PHF12: variants seen among roughly 807,000 people sequenced by gnomAD.
PHF12 encodes PHD factor 1.
Under a neutral mutation model 99.8 loss-of-function variants are expected in PHF12, and 6 were observed. The observed-to-expected ratio is 0.06, with a 90% CI of 0.03 to 0.12. The LOEUF is 0.12. Ranked by LOEUF, PHF12 falls within the 10% of genes least tolerant of loss-of-function variation. The pLI, the probability that PHF12 is intolerant of heterozygous loss-of-function variation, is 1.00. For missense variants in PHF12, 954 were observed against 1,300.1 expected, an observed-to-expected ratio of 0.73 and a Z score of 4.09; for synonymous variants, 480 against 514.9, an observed-to-expected ratio of 0.93 and a Z score of 0.92.
chr17:28,949,816 A>G lies in PHF12; in HGVS notation c.248+249T>C, dbSNP rs2040778011. 2.5e-6 allele frequency: 1 copy of G among 394,288 alleles called. No homozygotes were observed. Among genetic ancestry groups the G allele is most frequent in the South Asian group, 6.3e-5 (1 of 15,892 alleles). 24.4% of individuals were successfully genotyped at this position (394,288 alleles called of 1,614,324 possible). On this transcript the variant is annotated intron_variant, in intron 2 of 14. Coordinates refer to ENST00000332830, the MANE Select transcript of PHF12 (RefSeq NM_001033561.2). This position sits in a 1 kb window ranked among gnomAD's most constrained non-coding sequence, Gnocchi z 4.6. ...TGTCCCGGCTCCCCAGCGACTTCCA[A>G]TCCCATATGGGGTTCTCTTCACTCG... is the stretch of plus-strand genomic sequence containing the variant.
intron 2 of PHF12, among the ~76,000 whole-genome samples, chr17:28,932,756 G>C (rs2040436867): frequency 6.6e-6 from 1 of 152,150 alleles, no homozygotes; most frequent in Non-Finnish European, 1.5e-5. Context: ...GACCAGCCTG[G>C]CCAACATGGC....
intron 2 of PHF12, among the ~76,000 whole-genome samples, chr17:28,930,647 T>C (rs2040382393): frequency 6.6e-6 from 1 of 152,212 alleles, no homozygotes; most frequent in Non-Finnish European, 1.5e-5. Flanking sequence ...TTTAATCTTC[T>C]TTAAACAATT....
At chr17:28,913,302 G>A in intron 8 of PHF12, 25 bp from the exon 9 acceptor site, 2 of 1,577,106 alleles carry the variant, frequency 1.3e-6, no homozygotes, top group Non-Finnish European at 1.7e-6. Flanking sequence ...GAGGAGAGGG[G>A]GGTGAGAAGC....
At chr17:28,933,172 A>G (rs1256342457) in intron 2 of PHF12, among the ~76,000 whole-genome samples, 1 of 152,210 alleles carries the variant, frequency 6.6e-6, no homozygotes, top group African/African-American at 2.4e-5. Context: ...GTCACGTAAC[A>G]CTGAGATTAC....
intron 10 of PHF12, 149 bp from the exon 11 acceptor site, chr17:28,910,518 G>T: frequency 9.9e-7 from 1 of 1,007,314 alleles, no homozygotes; most frequent in Non-Finnish European, 1.4e-6. Flanking sequence ...AGCGTACAAG[G>T]ATCTGCAGCT....
chr17:28,920,794 C>T (rs1431827112), intron 5 of PHF12, among the ~76,000 whole-genome samples: 1 of 152,222 alleles, frequency 6.6e-6, no homozygotes, highest in Non-Finnish European at 1.5e-5. Flanking sequence ...ATCTCCTGAC[C>T]TCATGATCTG....
rs2040790205 is a variant in PHF12 at position 28,950,482 on chromosome 17, G to GGGGATGGGAAGAGGGTGC, written c.67-254_67-237dup. On this transcript the variant is annotated intron_variant, in intron 1 of 14. Coordinates refer to ENST00000332830, the MANE Select transcript of PHF12 (RefSeq NM_001033561.2). This position sits in a 1 kb window ranked among gnomAD's most constrained non-coding sequence, Gnocchi z 5.7. The stretch of plus-strand genomic sequence containing the variant: ...TCCAAATGGGGAGGATCAAGGGTAG[G>GGGGATGGGAAGAGGGTGC]GGGATGGGAAGAGGGTGCGCGGTTC... The GGGGATGGGAAGAGGGTGC allele has an allele frequency of 1.7e-6, 1 of 582,492 alleles. No individual in the cohort carries two copies. Among genetic ancestry groups the GGGGATGGGAAGAGGGTGC allele is most frequent in the African/African-American group, 1.9e-5 (1 of 53,276 alleles). 36.1% of individuals were successfully genotyped at this position (582,492 alleles called of 1,614,324 possible).
intron 2 of PHF12, among the ~76,000 whole-genome samples, chr17:28,935,112 A>G (rs1245649287): frequency 6.6e-6 from 1 of 152,202 alleles, no homozygotes. Context: ...GGCAGAGATG[A>G]CAGTGCCCTA....
chr17:28,950,422 C>A lies in PHF12; in HGVS notation c.67-176G>T. On this transcript the variant is annotated intron_variant, in intron 1 of 14. Transcript: ENST00000332830. The surrounding 1 kb of genome is among the most constrained non-coding windows in gnomAD (Gnocchi z 5.7). ...GGAACCAGGGGGAGCCCACCCTAACCGCGTTCCTGCAGCACAACAACGAGA... is the reference window on the plus strand; with the variant it reads ...GGAACCAGGGGGAGCCCACCCTAACAGCGTTCCTGCAGCACAACAACGAGA... 1 of 651,814 alleles carries A rather than the reference C, an allele frequency of 1.5e-6. No homozygotes were observed. The highest frequency in any genetic ancestry group is 2.6e-6 in the Non-Finnish European group (1 of 386,108). The allele number at this position is 651,814 out of a possible 1,614,324, so 40.4% of individuals were successfully genotyped here. A position where few individuals can be genotyped will look rare whatever the true frequency, so the allele number is the denominator to read the frequency against.
Position 28,950,974 on chromosome 17 carries a change from G to C in PHF12, c.-14C>G, listed in dbSNP as rs769223723. The C allele has an allele frequency of 1.2e-6, 2 of 1,613,792 alleles. No homozygotes were observed. The highest frequency in any genetic ancestry group is 1.1e-5 in the South Asian group (1 of 91,062). The stretch of plus-strand genomic sequence containing the variant: ...TTTCTCCCACATTCATCCACCTCCC[G>C]GGCTGGGTGCTCTCTGCTCCGGCCC... On this transcript the variant is annotated 5_prime_UTR_variant, in exon 1 of 15. Transcript: ENST00000332830. The surrounding 1 kb of genome is among the most constrained non-coding windows in gnomAD (Gnocchi z 5.7).
chr17:28,906,934 G>A lies in PHF12; in HGVS notation c.2602C>T (p.Leu868=). The A allele has an allele frequency of 6.2e-7, 1 of 1,613,526 alleles. No homozygotes were observed. Among genetic ancestry groups the A allele is most frequent in the Non-Finnish European group, 8.5e-7 (1 of 1,179,686 alleles). ...SEHGTTVDNV[L]YSCDFSEKTP... ...TTCTCCGAGAAGTCACATGAATACA[G>A]CACATTGTCCACCGTTGTCCCATGC... The change falls in exon 14 of 15, where the codon CTG becomes TTG. Residue 868 remains leucine, a synonymous_variant. Coordinates refer to ENST00000332830, the MANE Select transcript of PHF12 (RefSeq NM_001033561.2). The surrounding 1 kb of genome is among the most constrained non-coding windows in gnomAD (Gnocchi z 4.2).
At chr17:28,927,692 C>G (rs1003164188) in intron 2 of PHF12, 1 of 152,536 alleles carries the variant, frequency 6.6e-6, no homozygotes, top group African/African-American at 2.4e-5. Flanking sequence ...AATGTTGCAA[C>G]TTCCAAAGCT....
chr17:28,922,752 C>T (rs754189246), intron 4 of PHF12, among the ~76,000 whole-genome samples: 47 of 152,126 alleles, frequency 3.1e-4, no homozygotes, highest in Middle Eastern at 6.8e-3. Flanking sequence ...TAAATTATGA[C>T]GTATCTGTAC....
Position 28,950,124 on chromosome 17 carries a change from C to T in PHF12, c.189G>A (p.Lys63=), listed in dbSNP as rs374547836. 21 of 1,614,038 alleles carry T rather than the reference C, an allele frequency of 1.3e-5. No homozygotes were observed. The highest frequency in any genetic ancestry group is 1.7e-5 in the Non-Finnish European group (20 of 1,180,020). The stretch of plus-strand genomic sequence containing the variant: ...CGCAGCACAGGAGATCTCCACCTTC[C>T]TTGCAGCTATCGCAGCTGTCGTGGT... The part of the protein sequence containing the change: ...ATNHDSCDSC[K]EGGDLLCCDH... Residue 63 remains lysine, a synonymous_variant, in exon 2 of 15, where the codon AAG becomes AAA. Transcript: ENST00000332830. This position sits in a 1 kb window ranked among gnomAD's most constrained non-coding sequence, Gnocchi z 5.7.
In PHF12 at chr17:28,949,193, A is replaced by G. The variant is rs2040765787; in HGVS notation, c.248+872T>C. Among the ~76,000 whole-genome samples, 1 of 152,188 alleles carries G rather than the reference A, an allele frequency of 6.6e-6. No homozygotes were observed. Among genetic ancestry groups the G allele is most frequent in the Non-Finnish European group, 1.5e-5 (1 of 68,030 alleles). On this transcript the variant is annotated intron_variant, in intron 2 of 14. Coordinates refer to ENST00000332830, the MANE Select transcript of PHF12 (RefSeq NM_001033561.2). This position sits in a 1 kb window ranked among gnomAD's most constrained non-coding sequence, Gnocchi z 4.6. ...ACAATCCTCCCTCTGGCAGCAAAGA[A>G]TTTTGCAGCGAAGGGCTCGCCGATC... is the stretch of plus-strand genomic sequence containing the variant.
chr17:28,907,033 G>T, intron 13 of PHF12, 39 bp from the exon 14 acceptor site: 1 of 1,572,272 alleles, frequency 6.4e-7, no homozygotes, highest in Middle Eastern at 1.7e-4. Context: ...GTGGTCTGCT[G>T]TGTGGGGCCT....
intron 2 of PHF12, among the ~76,000 whole-genome samples, chr17:28,947,172 G>A (rs748826325): frequency 4.6e-5 from 7 of 151,248 alleles, no homozygotes; most frequent in Non-Finnish European, 8.8e-5. Flanking sequence ...TAGTAGAGAC[G>A]GAGTTTCACT....
At position 28,912,552 on chromosome 17, in the gene PHF12, C is replaced by A. The variant is rs926499346; in HGVS notation, c.2019G>T (p.Pro673=). ...CCAAGATACCATCTCCTGCTGCTTG[C>A]GGGGGAGTGAGCACCCGGGTGGCGT... The part of the protein sequence containing the change: ...PPNATRVLTP[P]QAAGDGILAT... Residue 673 remains proline (P), a synonymous_variant, in exon 9 of 15, where the codon CCG becomes CCT. Coordinates refer to ENST00000332830, the MANE Select transcript of PHF12 (RefSeq NM_001033561.2). 2 of 1,613,708 alleles carry A rather than the reference C, an allele frequency of 1.2e-6. No individual in the cohort carries two copies. The highest frequency in any genetic ancestry group is 4.5e-5 in the East Asian group (2 of 44,884).
At chr17:28,909,258 C>T (rs2039919372) in intron 11 of PHF12, 1 of 191,304 alleles carries the variant, frequency 5.2e-6, no homozygotes, top group African/African-American at 2.3e-5. Context: ...GAATCGCCTA[C>T]AGATCTTGTT....
Sources: allele counts gnomAD v4.1 joint callset (sites outside exome capture counted in the v4.1 genomes callset), GRCh38; gene constraint gnomAD v4.1.1; non-coding constraint Gnocchi (gnomAD v3.1); transcripts MANE v1.5; gene names NCBI Gene and HGNC (gene_info 2026-07-23, HGNC 2026-07-21).